NBAS: variants seen among roughly 807,000 people sequenced by gnomAD.
NBAS encodes the protein NAG/BC035112 fusion.
Under a neutral mutation model 302.5 loss-of-function variants are expected in NBAS, and 219 were observed. The ratio of observed to expected loss-of-function variants is 0.72; its 90% CI spans 0.65 to 0.81. The LOEUF (loss-of-function observed/expected upper bound fraction) is 0.81. Among genes scored for constraint, NBAS ranks in the 30% least tolerant of loss-of-function variants. The pLI, the probability that NBAS is intolerant of heterozygous loss-of-function variation, is 0.00. For missense variants in NBAS, 2,932 were observed against 2,841.6 expected, an observed-to-expected ratio of 1.03 and a Z score of -0.72; for synonymous variants, 1,118 against 1,021.6, an observed-to-expected ratio of 1.09 and a Z score of -1.80.
At chr2:15,175,715 A>G (rs1426408957) in intron 51 of NBAS, among the ~76,000 whole-genome samples, 1 of 152,204 alleles carries the variant, frequency 6.6e-6, no homozygotes, top group African/African-American at 2.4e-5. Context: ...TTGGCCATTT[A>G]TAAAAGGTTA....
chr2:15,461,024 T>C (rs1679482027), intron 21 of NBAS, among the ~76,000 whole-genome samples, 177 bp downstream of exon 21: 1 of 152,222 alleles, frequency 6.6e-6, no homozygotes, highest in East Asian at 1.9e-4. Context: ...AAGGTAAGCC[T>C]GTTACACTGG....
the NBAS span, among the ~76,000 whole-genome samples, chr2:15,157,317 T>C: frequency 1.3e-5 from 2 of 152,254 alleles, no homozygotes; most frequent in East Asian, 1.9e-4. Flanking sequence ...TTATTAACCA[T>C]AGAAGCTTCT....
chr2:14,961,495 C>T, the NBAS span, among the ~76,000 whole-genome samples: 3 of 152,104 alleles, frequency 2.0e-5, no homozygotes, highest in African/African-American at 4.8e-5. Flanking sequence ...CCTTCACCTT[C>T]TGCCATGAGT....
At chr2:15,384,389 T>C (rs897883977) in intron 28 of NBAS, among the ~76,000 whole-genome samples, 2 of 152,196 alleles carry the variant, frequency 1.3e-5, no homozygotes, top group African/African-American at 4.8e-5. Flanking sequence ...AACACAGGCA[T>C]TGAAGCAAGA....
intron 48 of NBAS, among the ~76,000 whole-genome samples, chr2:15,197,002 TA>T (rs1253114179): frequency 6.6e-6 from 1 of 152,094 alleles, no homozygotes; most frequent in Non-Finnish European, 1.5e-5. Flanking sequence ...CAAAATGAAA[TA>T]AAAAATAGGG....
At chr2:15,339,199 C>T (rs1177291351) in intron 35 of NBAS, among the ~76,000 whole-genome samples, 1 of 151,922 alleles carries the variant, frequency 6.6e-6, no homozygotes, top group Non-Finnish European at 1.5e-5. Context: ...TGATAAATGA[C>T]TTTGGGTTCT....
the NBAS span, among the ~76,000 whole-genome samples, chr2:15,095,090 G>A: frequency 6.6e-6 from 1 of 152,140 alleles, no homozygotes; most frequent in Non-Finnish European, 1.5e-5. Context: ...CCTGGTGTGT[G>A]TCTTTCCACC....
At chr2:15,290,048 G>A (rs1353808159) in intron 41 of NBAS, among the ~76,000 whole-genome samples, 1 of 150,212 alleles carries the variant, frequency 6.7e-6, no homozygotes, top group Non-Finnish European at 1.5e-5. Flanking sequence ...GGAGAAGAGG[G>A]GAGAGGGGAC....
chr2:15,401,390 G>A (rs1676145155), intron 26 of NBAS, among the ~76,000 whole-genome samples: 1 of 150,548 alleles, frequency 6.6e-6, no homozygotes, highest in South Asian at 2.1e-4. Context: ...AGAGAGAAAA[G>A]AGGGAGAAGA....
At chr2:15,236,624 A>G (rs1024696419) in intron 45 of NBAS, among the ~76,000 whole-genome samples, 1 of 151,124 alleles carries the variant, frequency 6.6e-6, no homozygotes, top group Non-Finnish European at 1.5e-5. Context: ...AAAAAATAAT[A>G]TAAGTTTAAA....
intron 44 of NBAS, among the ~76,000 whole-genome samples, chr2:15,262,970 T>C (rs1668917418): frequency 6.6e-6 from 1 of 152,146 alleles, no homozygotes; most frequent in Non-Finnish European, 1.5e-5. Context: ...CAAATGCAGG[T>C]AGCACACATG....
At chr2:15,393,447 G>T (rs1675704830) in intron 28 of NBAS, among the ~76,000 whole-genome samples, 1 of 152,058 alleles carries the variant, frequency 6.6e-6, no homozygotes, top group African/African-American at 2.4e-5. Context: ...TGAGGATATA[G>T]AAGAGCAATC....
the NBAS span, among the ~76,000 whole-genome samples, chr2:14,961,194 C>A: frequency 5.3e-5 from 8 of 151,942 alleles, no homozygotes; most frequent in African/African-American, 1.9e-4. Context: ...AGGAGAGCAA[C>A]CTTAGAGAAA....
chr2:14,926,521 T>C, the NBAS span, among the ~76,000 whole-genome samples: 1 of 152,244 alleles, frequency 6.6e-6, no homozygotes, highest in East Asian at 1.9e-4. Context: ...CTTATAATAG[T>C]TCCTGGTATG....
intron 40 of NBAS, among the ~76,000 whole-genome samples, chr2:15,293,767 C>T (rs550832140): frequency 3.3e-5 from 5 of 152,100 alleles, no homozygotes; most frequent in East Asian, 1.9e-4. Context: ...TTGTCAATGT[C>T]GAGTCTAGAT....
At chr2:14,985,707 T>G in the NBAS span, among the ~76,000 whole-genome samples, 1 of 152,182 alleles carries the variant, frequency 6.6e-6, no homozygotes, top group Non-Finnish European at 1.5e-5. Flanking sequence ...TAGAAGCTAG[T>G]GGGGTACCTA....
intron 38 of NBAS, among the ~76,000 whole-genome samples, chr2:15,324,323 C>T (rs1671963919): frequency 6.6e-6 from 1 of 152,200 alleles, no homozygotes; most frequent in African/African-American, 2.4e-5. Flanking sequence ...CGCTTCATCT[C>T]TCCACTGGCT....
chr2:15,234,875 A>G, intron 45 of NBAS, 128 bp from the exon 46 acceptor site: 1 of 943,366 alleles, frequency 1.1e-6, no homozygotes, highest in Non-Finnish European at 1.7e-6. Flanking sequence ...ACCAAAGGGC[A>G]TGTATTAGTT....
chr2:15,498,194 A>G (rs139635891), intron 11 of NBAS, among the ~76,000 whole-genome samples: 2 of 152,330 alleles, frequency 1.3e-5, no homozygotes, highest in Non-Finnish European at 1.5e-5. Context: ...AGGGCCCATA[A>G]AAGAATATGG....
Sources: gnomAD v4.1 joint callset for allele counts (sites outside exome capture counted in the v4.1 genomes callset) on GRCh38, gnomAD v4.1.1 for gene constraint, MANE v1.5 for transcripts, NCBI Gene and HGNC (gene_info 2026-07-23, HGNC 2026-07-21) for gene names.